BICRAL: variants seen among roughly 807,000 people sequenced by gnomAD.
BICRAL encodes BRD4-interacting chromatin-remodeling complex-associated protein-like.
Under a neutral mutation model 91.8 loss-of-function variants are expected in BICRAL, and 8 were observed. That is an observed-to-expected ratio of 0.09 (90% CI 0.05 to 0.16). The LOEUF (loss-of-function observed/expected upper bound fraction) is 0.16, where lower values mean the gene tolerates loss of function less well. Ranked by LOEUF, BICRAL falls within the 10% of genes least tolerant of loss-of-function variation. BICRAL has a pLI of 1.00. For missense variants in BICRAL, 1,038 were observed against 1,310.9 expected (o/e 0.79, Z 3.21); for synonymous variants, 445 against 491.1 (o/e 0.91, Z 1.24).
intron 1 of BICRAL, among the ~76,000 whole-genome samples, chr6:42,757,245 T>A (rs1762475976): frequency 7.0e-6 from 1 of 143,258 alleles, no homozygotes; most frequent in East Asian, 2.0e-4. Context: ...ATATAAATAG[T>A]TTTTTTTTAA....
At chr6:42,838,626 G>A (rs996444189) in intron 6 of BICRAL, among the ~76,000 whole-genome samples, 5 of 152,074 alleles carry the variant, frequency 3.3e-5, no homozygotes, top group African/African-American at 1.2e-4. Flanking sequence ...TATAATTGTA[G>A]TATCCTATCT....
chr6:42,799,801 A>G (rs1390449976), intron 1 of BICRAL, among the ~76,000 whole-genome samples: 1 of 152,186 alleles, frequency 6.6e-6, no homozygotes, highest in Admixed American at 6.6e-5. Flanking sequence ...AACTCTTTGT[A>G]GAAACTCATT....
At chr6:42,850,048 A>AAAT (rs146216164) in intron 6 of BICRAL, among the ~76,000 whole-genome samples, 2 of 151,394 alleles carry the variant, frequency 1.3e-5, no homozygotes, top group African/African-American at 2.4e-5. Context: ...ATAAATAAAT[A>AAAT]AAATAAATAA....
chr6:42,772,050 G>A (rs1033409743), intron 1 of BICRAL, among the ~76,000 whole-genome samples: 2 of 152,044 alleles, frequency 1.3e-5, no homozygotes, highest in Admixed American at 6.6e-5. Flanking sequence ...TAATAGAGGC[G>A]TGTATAGAGT....
chr6:42,825,882 G>A (rs1319062223), intron 5 of BICRAL, among the ~76,000 whole-genome samples: 2 of 152,094 alleles, frequency 1.3e-5, no homozygotes, highest in African/African-American at 4.8e-5. Context: ...AGGAGTTCAA[G>A]ACCAGCCTGG....
At chr6:42,760,711 T>C (rs544513227) in intron 1 of BICRAL, among the ~76,000 whole-genome samples, 9 of 152,240 alleles carry the variant, frequency 5.9e-5, no homozygotes, top group Non-Finnish European at 1.0e-4. Context: ...CGACTGCTTT[T>C]AAATTACTTT....
At chr6:42,783,649 T>TC (rs1320333305) in intron 1 of BICRAL, among the ~76,000 whole-genome samples, 2 of 152,076 alleles carry the variant, frequency 1.3e-5, no homozygotes, top group African/African-American at 4.8e-5. Context: ...GCCTTCTCCT[T>TC]CCCCACGCCC....
At chr6:42,817,087 T>C (rs569758306) in intron 2 of BICRAL, among the ~76,000 whole-genome samples, 1 of 151,918 alleles carries the variant, frequency 6.6e-6, no homozygotes, top group East Asian at 1.9e-4. Flanking sequence ...AAGCAACTAG[T>C]GTTACTGGTT....
chr6:42,825,514 G>C (rs1445823447), intron 5 of BICRAL, among the ~76,000 whole-genome samples: 1 of 145,970 alleles, frequency 6.9e-6, no homozygotes, highest in African/African-American at 2.5e-5. Context: ...GCAGTGAGCT[G>C]AGATTGCGCC....
chr6:42,785,490 G>T (rs1013645488), intron 1 of BICRAL, among the ~76,000 whole-genome samples: 1 of 151,210 alleles, frequency 6.6e-6, no homozygotes, highest in African/African-American at 2.4e-5. Flanking sequence ...GAACTGGGGA[G>T]GCAGAGGTTG....
At chr6:42,813,482 C>T (rs1454642405) in intron 2 of BICRAL, among the ~76,000 whole-genome samples, 2 of 152,042 alleles carry the variant, frequency 1.3e-5, no homozygotes, top group African/African-American at 4.8e-5. Flanking sequence ...GAACAATATG[C>T]CCAGTGAAAA....
chr6:42,849,663 T>C (rs1415328931), intron 6 of BICRAL, among the ~76,000 whole-genome samples: 2 of 151,870 alleles, frequency 1.3e-5, no homozygotes, highest in Non-Finnish European at 2.9e-5. Context: ...ATTGTCTCTG[T>C]CTCCTGACCT....
rs1765710226 is a variant in BICRAL at position 42,866,316 on chromosome 6, G to GTA, written c.*876_*877dup. The GTA allele has an allele frequency of 1.2e-5, 2 of 161,504 alleles. No homozygotes were observed. Among genetic ancestry groups the GTA allele is most frequent in the Admixed American group, 1.2e-4 (2 of 16,920 alleles). The allele number at this position is 161,504 out of a possible 1,614,324, so 10.0% of individuals were successfully genotyped here. A position where few individuals can be genotyped will look rare whatever the true frequency, so the allele number is the denominator to read the frequency against. Reference sequence around the variant, plus strand: ...GCCATGAGGGTTATAATATTAATATGTATATATGTAAAAGCATATATATGT... The same window carrying GTA: ...GCCATGAGGGTTATAATATTAATATGTATATATATGTAAAAGCATATATATGT... On this transcript the variant is annotated 3_prime_UTR_variant, in exon 13 of 13. Transcript: ENST00000314073.
At position 42,751,658 on chromosome 6, in the gene BICRAL, T is replaced by TC. The variant is rs111716668; in HGVS notation, c.-261+4635_-261+4636insC. Among the ~76,000 whole-genome samples the TC allele has an allele frequency of 1.1e-3, 167 of 146,174 alleles. 1 individual carries two copies. Among genetic ancestry groups the TC allele is most frequent in the African/African-American group, 2.8e-3 (110 of 39,194 alleles). ...AGGACCCTTTTTCTTTCTTTTCTTT[T>TC]TTTTTTTTTTTTTTTTGAGACGGAG... is the stretch of plus-strand genomic sequence containing the variant. On this transcript the variant is annotated intron_variant, in intron 1 of 14. Coordinates refer to the BICRAL transcript ENST00000614467.
At chr6:42,792,474 T>A (rs936454846) in intron 1 of BICRAL, among the ~76,000 whole-genome samples, 5 of 151,690 alleles carry the variant, frequency 3.3e-5, no homozygotes, top group African/African-American at 1.2e-4. Flanking sequence ...GTTCTTGCTA[T>A]GTTGCCCAAG....
intron 1 of BICRAL, among the ~76,000 whole-genome samples, chr6:42,769,703 AC>A (rs1409427719): frequency 6.6e-5 from 10 of 152,176 alleles, no homozygotes; most frequent in Non-Finnish European, 1.2e-4. Flanking sequence ...CCATACTGCT[AC>A]CACATTTATC....
Position 42,865,584 on chromosome 6 carries a change from T to C in BICRAL, c.*138T>C, listed in dbSNP as rs924035926. The C allele has an allele frequency of 9.8e-6, 6 of 612,080 alleles. No individual in the cohort carries two copies. The highest frequency in any genetic ancestry group is 4.4e-4 in the Middle Eastern group (1 of 2,274). 37.9% of individuals were successfully genotyped at this position (612,080 alleles called of 1,614,324 possible). A position where few individuals can be genotyped will look rare whatever the true frequency, so the allele number is the denominator to read the frequency against. ...CTGCTTGATCTTTCATCACAGGTTA[T>C]TCTTTCTAATCTCAATCCTGTTCTT... On this transcript the variant is annotated 3_prime_UTR_variant, in exon 13 of 13. Coordinates refer to ENST00000314073, the MANE Select transcript of BICRAL (RefSeq NM_001393499.1).
At chr6:42,816,356 A>G (rs529100421) in intron 2 of BICRAL, among the ~76,000 whole-genome samples, 51 of 152,316 alleles carry the variant, frequency 3.3e-4, no homozygotes, top group Non-Finnish European at 6.9e-4. Context: ...TCTTCAAAAA[A>G]AAAAAAAGTT....
intron 7 of BICRAL, 116 bp downstream of exon 7, chr6:42,852,313 A>C: frequency 1.4e-6 from 1 of 727,706 alleles, no homozygotes; most frequent in Middle Eastern, 2.3e-4. Flanking sequence ...CACTCCGATT[A>C]TTCCTTTCTT....
Sources: allele counts gnomAD v4.1 joint callset (sites outside exome capture counted in the v4.1 genomes callset), GRCh38; gene constraint gnomAD v4.1.1; transcripts MANE v1.5; gene names NCBI Gene and HGNC (gene_info 2026-07-23, HGNC 2026-07-21).